The following INSL6 variants were observed in gnomAD, a reference collection of about 807,000 sequenced individuals.
The protein encoded by INSL6 is insulin like 6, also known as insulin-like peptide INSL6.
In INSL6, 16 loss-of-function variants were observed where a neutral mutation model predicts 9.4. The ratio of observed to expected loss-of-function variants is 1.70; its 90% CI spans 1.15 to 2.59. The LOEUF is 2.59. INSL6 is among the 30% of genes most tolerant of loss of function. The pLI, the probability that INSL6 is intolerant of heterozygous loss-of-function variation, is 0.00. For synonymous variants in INSL6, 154 were observed against 96.9 expected, an observed-to-expected ratio of 1.59 and a Z score of -3.46; for missense variants, 391 against 257.3, an observed-to-expected ratio of 1.52 and a Z score of -3.56.
the INSL6 span, chr9:5,114,167 A>C: frequency 2.1e-3 from 885 of 426,272 alleles, 15 homozygotes; most frequent in African/African-American, 0.016. Context: ...AGAAGTGTGC[A>C]GATTCTAACC....
chr9:5,079,563 A>C, the INSL6 span, among the ~76,000 whole-genome samples: 1 of 151,886 alleles, frequency 6.6e-6, no homozygotes. Flanking sequence ...TCTCTGAATG[A>C]TGTAACATTA....
In INSL6 at chr9:5,170,771, C is replaced by G. The variant is rs554009070; in HGVS notation, c.290-6506G>C. ...TGGATAAATTCCTGAACACATACAC[C>G]CCCACAAGACTAAACCAGGAAGAAG... is the stretch of plus-strand genomic sequence containing the variant. On this transcript the variant is annotated intron_variant, in intron 1 of 1. Coordinates refer to ENST00000381641, the MANE Select transcript of INSL6 (RefSeq NM_007179.3). Among the ~76,000 whole-genome samples, 9 of 151,918 alleles carry G rather than the reference C, an allele frequency of 5.9e-5. 1 individual carries two copies. Among genetic ancestry groups the G allele is most frequent in the Non-Finnish European group, 1.0e-4 (7 of 67,976 alleles).
chr9:5,141,448 G>C (rs1219952652), intron 2 of INSL6, among the ~76,000 whole-genome samples: 1 of 152,066 alleles, frequency 6.6e-6, no homozygotes, highest in East Asian at 1.9e-4. Context: ...TTTCTCTAAT[G>C]ATCAGTGATG....
intron 1 of INSL6, among the ~76,000 whole-genome samples, chr9:5,175,124 T>G (rs1353519360): frequency 6.6e-6 from 1 of 152,012 alleles, no homozygotes; most frequent in Non-Finnish European, 1.5e-5. Flanking sequence ...TGTTTTTTAG[T>G]AGAGATGGGG....
intron 2 of INSL6, among the ~76,000 whole-genome samples, chr9:5,147,993 G>C (rs1450875158): frequency 6.6e-6 from 1 of 152,092 alleles, no homozygotes; most frequent in Non-Finnish European, 1.5e-5. Context: ...TCTCAATCTT[G>C]ATGAGCTTCC....
chr9:5,111,936 T>C, the INSL6 span: 1 of 346,080 alleles, frequency 2.9e-6, no homozygotes, highest in Non-Finnish European at 5.7e-6. Flanking sequence ...TCCGGATCAC[T>C]CAAGCAATAA....
the INSL6 span, chr9:5,099,245 T>C: frequency 3.3e-5 from 5 of 152,198 alleles, no homozygotes; most frequent in African/African-American, 7.2e-5. Context: ...TGCTCAGAAA[T>C]TTGTGAATCT....
chr9:5,072,693 A>G, the INSL6 span: 6 of 1,202,182 alleles, frequency 5.0e-6, no homozygotes, highest in East Asian at 2.7e-5. Flanking sequence ...ATATGCATAC[A>G]ACGTACTCAT....
chr9:4,993,038 C>T, the INSL6 span, among the ~76,000 whole-genome samples: 1 of 152,182 alleles, frequency 6.6e-6, no homozygotes, highest in Non-Finnish European at 1.5e-5. Context: ...GCCTGTAGTG[C>T]TCCAGAGTCC....
intron 2 of INSL6, among the ~76,000 whole-genome samples, chr9:5,146,587 A>T (rs80046496): frequency 0.029 from 4,443 of 152,288 alleles, 158 homozygotes; most frequent in African/African-American, 0.088. Context: ...GTGCAGCATT[A>T]ACACAAGGGT....
chr9:5,057,545 C>T, the INSL6 span, among the ~76,000 whole-genome samples: 1 of 151,516 alleles, frequency 6.6e-6, no homozygotes, highest in South Asian at 2.1e-4. Flanking sequence ...ACCATTTCCC[C>T]CTCTTCCCAA....
the INSL6 span, chr9:5,080,400 G>A: frequency 6.3e-7 from 1 of 1,585,838 alleles, no homozygotes. Flanking sequence ...TATAGACTAA[G>A]TTAGAATTAC....
the INSL6 span, among the ~76,000 whole-genome samples, chr9:5,045,417 A>G: frequency 1.1e-4 from 16 of 152,310 alleles, no homozygotes; most frequent in African/African-American, 3.6e-4. Context: ...GGTAAGAGAT[A>G]TATAATAAAA....
At chr9:5,170,934 C>T (rs1251014204) in intron 1 of INSL6, among the ~76,000 whole-genome samples, 1 of 152,168 alleles carries the variant, frequency 6.6e-6, no homozygotes, top group Non-Finnish European at 1.5e-5. Context: ...GATATTCTTT[C>T]TTCTGAAACT....
At chr9:5,183,785 G>A (rs534329554) in intron 1 of INSL6, among the ~76,000 whole-genome samples, 2 of 152,074 alleles carry the variant, frequency 1.3e-5, no homozygotes, top group South Asian at 2.1e-4. Flanking sequence ...AAAAAAAAAA[G>A]AGAGAGACAG....
the INSL6 span, chr9:5,042,039 C>T: frequency 6.4e-6 from 2 of 310,392 alleles, no homozygotes; most frequent in Non-Finnish European, 1.2e-5. Context: ...GGCTGGAAGC[C>T]AGGACACAGA....
chr9:5,065,693 A>T, the INSL6 span, among the ~76,000 whole-genome samples: 1 of 152,168 alleles, frequency 6.6e-6, no homozygotes, highest in African/African-American at 2.4e-5. Flanking sequence ...ATACTGGGTA[A>T]AGCTAGCTAT....
At chr9:5,142,498 C>T (rs534170351) in intron 2 of INSL6, among the ~76,000 whole-genome samples, 27 of 152,198 alleles carry the variant, frequency 1.8e-4, no homozygotes, top group African/African-American at 6.0e-4. Flanking sequence ...TGGCTCTCAA[C>T]TTGAGGTGTT....
the INSL6 span, among the ~76,000 whole-genome samples, chr9:5,033,682 G>A: frequency 6.6e-6 from 1 of 152,120 alleles, no homozygotes; most frequent in East Asian, 1.9e-4. Flanking sequence ...TTACAGACAA[G>A]CAAATGCTGA....
Sources: allele counts gnomAD v4.1 joint callset (sites outside exome capture counted in the v4.1 genomes callset), GRCh38; gene constraint gnomAD v4.1.1; transcripts MANE v1.5; gene names NCBI Gene and HGNC (gene_info 2026-07-23, HGNC 2026-07-21).